The following SLC35D2 variants were observed in gnomAD, a reference collection of about 807,000 sequenced individuals.
The protein encoded by SLC35D2 is solute carrier family 35 member D2.
In SLC35D2, 43 loss-of-function variants were observed where a neutral mutation model predicts 41.8. The observed-to-expected ratio is 1.03, with a 90% CI of 0.81 to 1.33. SLC35D2 has a LOEUF of 1.33. Ranked by LOEUF, SLC35D2 falls within the 40% of genes most tolerant of loss-of-function variation. The pLI is 0.00. For missense variants in SLC35D2, 380 were observed against 408.4 expected, an observed-to-expected ratio of 0.93 and a Z score of 0.60; for synonymous variants, 150 against 163.9, an observed-to-expected ratio of 0.92 and a Z score of 0.65.
intron 8 of SLC35D2, among the ~76,000 whole-genome samples, chr9:96,342,884 G>T (rs552091966): frequency 2.7e-4 from 41 of 152,264 alleles, no homozygotes; most frequent in African/African-American, 9.9e-4. Context: ...TTCAACTGGT[G>T]GGCAACATAC....
At chr9:96,334,099 G>C (rs1828938755) in intron 9 of SLC35D2, among the ~76,000 whole-genome samples, 1 of 152,128 alleles carries the variant, frequency 6.6e-6, no homozygotes. Flanking sequence ...CTCTAAGGCA[G>C]CAGTCCCCAA....
chr9:96,321,403 G>A (rs538505945), intron 11 of SLC35D2, 62 bp from the exon 12 acceptor site: 73 of 1,184,618 alleles, frequency 6.2e-5, no homozygotes, highest in Non-Finnish European at 9.0e-5. Flanking sequence ...TCCAGCAGCA[G>A]TTGCTGGCGT....
At chr9:96,361,009 C>G (rs979380911) in intron 3 of SLC35D2, among the ~76,000 whole-genome samples, 1 of 152,138 alleles carries the variant, frequency 6.6e-6, no homozygotes, top group African/African-American at 2.4e-5. Flanking sequence ...TCCCAAAGTA[C>G]TGGGATTACA....
chr9:96,328,821 C>G (rs1458748658), intron 9 of SLC35D2, among the ~76,000 whole-genome samples: 1 of 152,134 alleles, frequency 6.6e-6, no homozygotes, highest in African/African-American at 2.4e-5. Flanking sequence ...TTCCAGATTT[C>G]AAAGAATTCC....
chr9:96,360,106 C>A lies in SLC35D2; in HGVS notation c.347+48G>T, dbSNP rs766913740. The A allele has an allele frequency of 1.2e-5, 17 of 1,380,998 alleles. No individual in the cohort carries two copies. In the Admixed American group the frequency reaches 3.1e-4, roughly 25 times the overall value. 85.5% of individuals were successfully genotyped at this position (1,380,998 alleles called of 1,614,324 possible). ...TCAATCTTGGTCTTTGTACCACTGG[C>A]AGCACAGAGGTGAGGAACTTTCCAC... On this transcript the variant is annotated intron_variant, in intron 4 of 11. Transcript: ENST00000253270.
At chr9:96,346,284 G>A (rs538134967) in intron 6 of SLC35D2, among the ~76,000 whole-genome samples, 12 of 152,304 alleles carry the variant, frequency 7.9e-5, no homozygotes, top group African/African-American at 1.4e-4. Flanking sequence ...TAGACTTGGG[G>A]ACTTACGTTT....
In SLC35D2 at chr9:96,364,475, T is replaced by A. The variant is rs74939645; in HGVS notation, c.268A>T (p.Ile90Phe). Reference protein sequence around the residue: ...IIHFPDFDKKIPVKLFPLPLL... With the variant: ...IIHFPDFDKKFPVKLFPLPLL... ...TTTTCATTACTTACCTTTACAGGAA[T>A]TTTCTTATCAAAATCAGGGAAGTGA... The change falls in exon 3 of 12, where the codon ATT (isoleucine) becomes TTT (phenylalanine). Residue 90 changes from isoleucine (I) to phenylalanine (F), a missense_variant. Transcript: ENST00000253270. 6.1e-5 allele frequency: 96 copies of A among 1,569,362 alleles called. No homozygotes were observed. The East Asian group carries it at 1.9e-3, about 31-fold the overall frequency.
At chr9:96,373,697 A>C (rs971257686) in intron 1 of SLC35D2, among the ~76,000 whole-genome samples, 1 of 151,948 alleles carries the variant, frequency 6.6e-6, no homozygotes, top group Non-Finnish European at 1.5e-5. Context: ...AAAAAAAAAA[A>C]AAAAACAATT....
rs1830201094 is a variant in SLC35D2, at chr9:96,360,165, T to C, written c.336A>G (p.Thr112=). Residue 112 remains threonine (T), a synonymous_variant, in exon 4 of 12, where the codon ACA becomes ACG. Transcript: ENST00000253270. ...VGNHISGLSS[T]SKLSLPMFTV... The stretch of plus-strand genomic sequence containing the variant: ...ATCCTATACTCTACCTTAATTTACT[T>C]GTGCTTGATAATCCACTTATGTGGT... 1 of 1,612,406 alleles carries C rather than the reference T, an allele frequency of 6.2e-7. No individual in the cohort carries two copies. The highest frequency in any genetic ancestry group is 8.5e-7 in the Non-Finnish European group (1 of 1,178,726).
chr9:96,321,197 C>CA lies in SLC35D2; in HGVS notation c.*44_*45insT. 1 of 1,447,822 alleles carries CA rather than the reference C, an allele frequency of 6.9e-7. No homozygotes were observed. The highest frequency in any genetic ancestry group is 9.7e-7 in the Non-Finnish European group (1 of 1,032,396). 89.7% of individuals were successfully genotyped at this position (1,447,822 alleles called of 1,614,324 possible). On this transcript the variant is annotated 3_prime_UTR_variant, in exon 12 of 12. Coordinates refer to ENST00000253270, the MANE Select transcript of SLC35D2 (RefSeq NM_007001.3). ...TCACATTCCTACTGGGAATGCCCCC[C>CA]CAGCCCGCAGTCACAAGTCAGTCTC... is the stretch of plus-strand genomic sequence containing the variant.
chr9:96,319,097 C>CA (rs1828125990), downstream of SLC35D2, among the ~76,000 whole-genome samples: 1 of 152,160 alleles, frequency 6.6e-6, no homozygotes, highest in African/African-American at 2.4e-5. Flanking sequence ...TCATAATAGC[C>CA]AAATGGTGGA....
intron 9 of SLC35D2, among the ~76,000 whole-genome samples, chr9:96,324,696 G>T (rs1390564190): frequency 6.6e-6 from 1 of 151,994 alleles, no homozygotes; most frequent in African/African-American, 2.4e-5. Context: ...GGGACTACAG[G>T]CTCATGCCGC....
chr9:96,333,354 T>C (rs1248391298), intron 9 of SLC35D2, among the ~76,000 whole-genome samples: 1 of 150,882 alleles, frequency 6.6e-6, no homozygotes, highest in African/African-American at 2.4e-5. Context: ...CCCAGCTCTT[T>C]GGGAGGCTGA....
At chr9:96,383,436 C>T in intron 1 of SLC35D2, 41 bp downstream of exon 1, 1 of 1,483,344 alleles carries the variant, frequency 6.7e-7, no homozygotes, top group Non-Finnish European at 9.0e-7. Flanking sequence ...AGGGGCAGCC[C>T]CGCACTCCCG....
chr9:96,361,156 G>T (rs1005082206), intron 3 of SLC35D2, among the ~76,000 whole-genome samples: 1 of 152,168 alleles, frequency 6.6e-6, no homozygotes, highest in African/African-American at 2.4e-5. Context: ...ACAGTTCAAC[G>T]ATACATATTA....
At chr9:96,356,111 A>G (rs1323986440) in intron 4 of SLC35D2, among the ~76,000 whole-genome samples, 2 of 152,132 alleles carry the variant, frequency 1.3e-5, no homozygotes, top group African/African-American at 4.8e-5. Flanking sequence ...ATGAAGGTTG[A>G]TTGTTAAAGG....
rs1215498128 is a variant in SLC35D2 at position 96,368,717 on chromosome 9, T to A, written c.159-412A>T. Among the ~76,000 whole-genome samples the A allele has an allele frequency of 4.7e-5, 7 of 148,832 alleles. No individual in the cohort carries two copies. The East Asian group carries it at 1.4e-3, about 29-fold the overall frequency. On this transcript the variant is annotated intron_variant, in intron 1 of 11. Transcript: ENST00000253270. Reference sequence around the variant, plus strand: ...ATATATGTGTATATTATATATATATTATATATATTATACTCCCTCTCTCTC... The same window carrying A: ...ATATATGTGTATATTATATATATATAATATATATTATACTCCCTCTCTCTC...
intron 2 of SLC35D2, 100 bp downstream of exon 2, chr9:96,368,172 G>A: frequency 1.2e-6 from 1 of 826,648 alleles, no homozygotes; most frequent in Admixed American, 2.6e-5. Flanking sequence ...TCTGCCAGCT[G>A]AATAAATTTG....
At chr9:96,319,336 G>A (rs773316384), downstream of SLC35D2, among the ~76,000 whole-genome samples, 3 of 152,128 alleles carry the variant, frequency 2.0e-5, no homozygotes, top group African/African-American at 2.4e-5. Context: ...GCCAGGGGCC[G>A]GAGGGATGGG....
Sources: gnomAD v4.1 joint callset for allele counts (sites outside exome capture counted in the v4.1 genomes callset) on GRCh38, gnomAD v4.1.1 for gene constraint, MANE v1.5 for transcripts, NCBI Gene and HGNC (gene_info 2026-07-23, HGNC 2026-07-21) for gene names.